Variants in ZNF366 observed in about 807,000 individuals in gnomAD.
The protein encoded by ZNF366 is zinc finger protein 366, also known as dendritic cell-specific transcript protein.
Under a neutral mutation model 47.2 loss-of-function variants are expected in ZNF366, and 20 were observed. The observed-to-expected ratio is 0.42, with a 90% CI of 0.30 to 0.62. The LOEUF (loss-of-function observed/expected upper bound fraction) is 0.62. Among genes scored for constraint, ZNF366 ranks in the 20% least tolerant of loss-of-function variants. ZNF366 has a pLI of 0.16. For synonymous variants in ZNF366, 421 were observed against 395.1 expected, an observed-to-expected ratio of 1.07 and a Z score of -0.78; for missense variants, 987 against 976.3, an observed-to-expected ratio of 1.01 and a Z score of -0.15.
intron 1 of ZNF366, among the ~76,000 whole-genome samples, chr5:72,487,766 T>C (rs1162574552): frequency 2.0e-5 from 3 of 152,204 alleles, no homozygotes; most frequent in Admixed American, 6.5e-5. Context: ...TTTTGGCCTA[T>C]GTAGTAGTGG....
chr5:72,447,119 A>T, intron 4 of ZNF366, 124 bp downstream of exon 4: 1 of 1,060,218 alleles, frequency 9.4e-7, no homozygotes, highest in African/African-American at 1.6e-5. Context: ...TTATAAGGTT[A>T]CTCTTGCTAC....
chr5:72,460,554 G>A lies in ZNF366; in HGVS notation c.943C>T (p.His315Tyr), dbSNP rs1485770044. 6.2e-7 allele frequency: 1 copy of A among 1,613,990 alleles called. No individual in the cohort carries two copies. The highest frequency in any genetic ancestry group is 1.3e-5 in the African/African-American group (1 of 74,938). Residue 315 changes from histidine to tyrosine, a missense_variant, in exon 2 of 5, where the codon CAC (histidine) becomes TAC (tyrosine). Physicochemically the swap from His to Tyr is moderately conservative, Grantham distance 83. Transcript: ENST00000318442. ...GTRPHKCQVCHKAFTQTSHLK... is the reference protein window; with the variant it reads ...GTRPHKCQVCYKAFTQTSHLK... ...TGGCTGGTCTGGGTGAAGGCCTTGT[G>A]GCACACCTGGCACTTGTGGGGCCGC...
intron 1 of ZNF366, among the ~76,000 whole-genome samples, chr5:72,483,865 A>G (rs777962891): frequency 5.9e-5 from 9 of 152,190 alleles, no homozygotes; most frequent in Non-Finnish European, 8.8e-5. Context: ...CATCTGTACC[A>G]TGAGGGATAC....
At chr5:72,473,859 C>T (rs1386129784) in intron 1 of ZNF366, among the ~76,000 whole-genome samples, 5 of 152,202 alleles carry the variant, frequency 3.3e-5, no homozygotes, top group Non-Finnish European at 7.3e-5. Context: ...GCACCTTGCA[C>T]TGTACTGGTC....
intron 1 of ZNF366, among the ~76,000 whole-genome samples, chr5:72,495,052 A>G (rs1022183619): frequency 6.6e-6 from 1 of 152,098 alleles, no homozygotes; most frequent in Non-Finnish European, 1.5e-5. Context: ...TTCTTGAAGA[A>G]GTTTCCCTCA....
At chr5:72,499,927 C>A (rs1744181107) in intron 1 of ZNF366, among the ~76,000 whole-genome samples, 1 of 152,212 alleles carries the variant, frequency 6.6e-6, no homozygotes, top group African/African-American at 2.4e-5. Flanking sequence ...CCGGTCCTCT[C>A]CCTCGCTCTC....
rs568787705 is a variant in ZNF366 at position 72,443,937 on chromosome 5, G to A, written c.2054C>T (p.Ala685Val). ...ACAGTCTCTCTCCTGGCCGCCCTCT[G>A]CCCCAAGGTCACCCTTGCTCCTCTT... ...WEKRSKGDLG[A>V]EGGQERDCAG... The change falls in exon 5 of 5, where the codon GCA becomes GTA. Residue 685 changes from alanine (A) to valine (V), a missense_variant. Ala to Val is a moderately conservative substitution (Grantham distance 64, BLOSUM62 0). Transcript: ENST00000318442. The A allele has an allele frequency of 6.2e-7, 1 of 1,614,170 alleles. No individual in the cohort carries two copies. The highest frequency in any genetic ancestry group is 1.1e-5 in the South Asian group (1 of 91,076).
intron 1 of ZNF366, among the ~76,000 whole-genome samples, chr5:72,486,426 G>A (rs962606154): frequency 6.6e-6 from 1 of 152,170 alleles, no homozygotes; most frequent in African/African-American, 2.4e-5. Flanking sequence ...TGAGGCCCAA[G>A]GAAACAGTTT....
intron 1 of ZNF366, among the ~76,000 whole-genome samples, chr5:72,473,234 T>G (rs960860574): frequency 1.3e-5 from 2 of 152,324 alleles, no homozygotes; most frequent in South Asian, 2.1e-4. Context: ...ATTGGAACAA[T>G]GAGGCAACAA....
intron 2 of ZNF366, 137 bp downstream of exon 2, chr5:72,460,028 G>T: frequency 8.3e-7 from 1 of 1,204,944 alleles, no homozygotes; most frequent in Non-Finnish European, 1.1e-6. Flanking sequence ...CTCGGCCAAG[G>T]GACCGCTTGT....
At chr5:72,469,071 G>A (rs1453018148) in intron 1 of ZNF366, among the ~76,000 whole-genome samples, 1 of 152,198 alleles carries the variant, frequency 6.6e-6, no homozygotes, top group East Asian at 1.9e-4. Flanking sequence ...CTCTGGAAAT[G>A]ACAGCATATT....
At chr5:72,453,434 C>G (rs1252418866) in intron 3 of ZNF366, among the ~76,000 whole-genome samples, 4 of 152,250 alleles carry the variant, frequency 2.6e-5, no homozygotes, top group African/African-American at 9.6e-5. Context: ...AGCCATGTCT[C>G]TCAGATGGCT....
At chr5:72,460,093 C>G in intron 2 of ZNF366, 72 bp downstream of exon 2, 1 of 1,547,734 alleles carries the variant, frequency 6.5e-7, no homozygotes, top group Non-Finnish European at 8.7e-7. Context: ...GCGTCCTGCT[C>G]CCCAGTGCTC....
intron 1 of ZNF366, among the ~76,000 whole-genome samples, chr5:72,490,936 C>T (rs1160425578): frequency 2.0e-5 from 3 of 152,182 alleles, no homozygotes. Context: ...TGCCCTGAGA[C>T]CCTCTTCTCC....
rs1580234806 is a variant in ZNF366, at chr5:72,456,401, C to T, written c.1524+3G>A. The T allele has an allele frequency of 1.3e-6, 2 of 1,596,632 alleles. No homozygotes were observed. Among genetic ancestry groups the T allele is most frequent in the Non-Finnish European group, 1.7e-6 (2 of 1,166,472 alleles). ...CTGGTTCCTCTCTAGTCCCACTGCC[C>T]ACCTTGCATTTGAAAGGCTTCACGT... On this transcript the variant is annotated splice_donor_region_variant and intron_variant, in intron 3 of 4. Coordinates refer to ENST00000318442, the MANE Select transcript of ZNF366 (RefSeq NM_152625.3).
intron 3 of ZNF366, among the ~76,000 whole-genome samples, chr5:72,448,178 A>G (rs971451172): frequency 1.3e-5 from 2 of 152,256 alleles, no homozygotes; most frequent in African/African-American, 4.8e-5. Context: ...CAAAGATAAA[A>G]AAATGAAAAA....
At chr5:72,501,618 T>C (rs1007551197) in intron 1 of ZNF366, among the ~76,000 whole-genome samples, 1 of 152,212 alleles carries the variant, frequency 6.6e-6, no homozygotes, top group African/African-American at 2.4e-5. Context: ...CATGGTGTTT[T>C]GTCAATTCAG....
chr5:72,465,728 G>C (rs772294086), intron 1 of ZNF366, among the ~76,000 whole-genome samples: 10 of 152,184 alleles, frequency 6.6e-5, no homozygotes, highest in African/African-American at 1.9e-4. Context: ...CCACCAGAAA[G>C]AGTTGAAACA....
At chr5:72,475,341 C>T (rs973259523) in intron 1 of ZNF366, among the ~76,000 whole-genome samples, 3 of 152,174 alleles carry the variant, frequency 2.0e-5, no homozygotes, top group Non-Finnish European at 2.9e-5. Flanking sequence ...GATCTTCCTT[C>T]TAAGGGAAGA....
Sources: gnomAD v4.1 joint callset for allele counts (sites outside exome capture counted in the v4.1 genomes callset) on GRCh38, gnomAD v4.1.1 for gene constraint, MANE v1.5 for transcripts, NCBI Gene and HGNC (gene_info 2026-07-23, HGNC 2026-07-21) for gene names.